ACSF3: variants seen among roughly 807,000 people sequenced by gnomAD.
ACSF3 encodes the protein malonate--CoA ligase ACSF3, mitochondrial.
ACSF3 carries 78 observed loss-of-function variants against 53.2 expected under a neutral mutation model. The ratio of observed to expected loss-of-function variants is 1.47; its 90% CI spans 1.22 to 1.77. The LOEUF is 1.77. Among genes scored for constraint, ACSF3 ranks in the 40% most tolerant of loss-of-function variants. ACSF3 has a pLI of 0.00. For missense variants in ACSF3, 937 were observed against 771.1 expected, an observed-to-expected ratio of 1.22 and a Z score of -2.55; for synonymous variants, 414 against 333.1, an observed-to-expected ratio of 1.24 and a Z score of -2.65.
At chr16:89,138,948 G>A (rs1361057368) in intron 8 of ACSF3, among the ~76,000 whole-genome samples, 2 of 152,226 alleles carry the variant, frequency 1.3e-5, no homozygotes, top group Admixed American at 6.5e-5. Context: ...AATCACAGCC[G>A]TGCCCCTTCC....
intron 10 of ACSF3, chr16:89,148,101 G>GTTTTTTTTTTTTTTTTT (rs71158780): frequency 8.5e-6 from 1 of 117,670 alleles, no homozygotes; most frequent in Non-Finnish European, 1.7e-5. Context: ...TTCTTTTTTG[G>GTTTTTTTTTTTTTTTTT]TTTTTTTTTT....
At chr16:89,117,343 G>A (rs1905299901) in intron 6 of ACSF3, among the ~76,000 whole-genome samples, 1 of 152,216 alleles carries the variant, frequency 6.6e-6, no homozygotes, top group South Asian at 2.1e-4. Context: ...GGTGAGTGAT[G>A]CACTTCCCAG....
chr16:89,115,009 C>G (rs1476710684), intron 6 of ACSF3: 1 of 250,820 alleles, frequency 4.0e-6, no homozygotes, highest in Non-Finnish European at 8.0e-6. Context: ...CCTAACACAT[C>G]CCATTCTGAC....
intron 5 of ACSF3, chr16:89,113,060 G>A (rs1308704616): frequency 6.6e-6 from 1 of 152,350 alleles, no homozygotes; most frequent in African/African-American, 2.4e-5. Flanking sequence ...TTCCCTCGTG[G>A]CTGTTGAGGT....
At chr16:89,132,565 C>A (rs1268228339) in intron 7 of ACSF3, among the ~76,000 whole-genome samples, 2 of 152,240 alleles carry the variant, frequency 1.3e-5, no homozygotes, top group East Asian at 3.9e-4. Context: ...TAACAGGGGC[C>A]TCCAGGGACC....
rs977575487 is a variant in ACSF3, at chr16:89,154,634, C to T, written c.*427C>T. 6.6e-6 allele frequency: 3 copies of T among 454,570 alleles called. No individual in the cohort carries two copies. Among genetic ancestry groups the T allele is most frequent in the Non-Finnish European group, 8.8e-6 (2 of 227,298 alleles). 28.2% of individuals were successfully genotyped at this position (454,570 alleles called of 1,614,324 possible). A position where few individuals can be genotyped will look rare whatever the true frequency, so the allele number is the denominator to read the frequency against. The stretch of plus-strand genomic sequence containing the variant: ...GCACGTGCCTGTGCCTCACCCAGAG[C>T]CAGTGTCTCCCGGCCCACATAGGAG... On this transcript the variant is annotated 3_prime_UTR_variant, in exon 11 of 11. Transcript: ENST00000614302.
chr16:89,103,287 C>G (rs954264521), intron 4 of ACSF3, among the ~76,000 whole-genome samples: 2 of 152,204 alleles, frequency 1.3e-5, no homozygotes, highest in Admixed American at 1.3e-4. Context: ...TAAAATAATG[C>G]GAGTTTGTTC....
rs368789945 is a variant in ACSF3, at chr16:89,154,084, C to T, written c.1614-6C>T. On this transcript the variant is annotated splice_polypyrimidine_tract_variant and splice_region_variant and intron_variant, in intron 10 of 10. Transcript: ENST00000614302. ...AGTGCGCCTCAGGCTGTGCTTGTCT[C>T]TGCAGAAATGTCCTGGCCCCGTACG... 7.9e-5 allele frequency: 127 copies of T among 1,612,248 alleles called. No individual in the cohort carries two copies. The African/African-American group carries it at 1.5e-3, about 19-fold the overall frequency.
intron 6 of ACSF3, among the ~76,000 whole-genome samples, chr16:89,119,846 G>A (rs908620058): frequency 2.0e-5 from 3 of 152,222 alleles, no homozygotes; most frequent in Admixed American, 6.5e-5. Context: ...ACGCCCCATG[G>A]ATTGCAGAGT....
In ACSF3 at chr16:89,114,642, C is replaced by T. The variant is rs989284333; in HGVS notation, c.1126+155C>T. The T allele has an allele frequency of 1.7e-5, 18 of 1,073,482 alleles. No homozygotes were observed. In the South Asian group the frequency reaches 1.9e-4, roughly 11 times the overall value. The allele number at this position is 1,073,482 out of a possible 1,614,324, so 66.5% of individuals were successfully genotyped here. ...CTCGGCCAGGAGAGCACTCAGGATG[C>T]ACTGCGACCTGTCCCCTCTGGGTAG... On this transcript the variant is annotated intron_variant, in intron 6 of 10. Transcript: ENST00000614302.
chr16:89,137,446 C>G (rs1310810786), intron 8 of ACSF3, among the ~76,000 whole-genome samples: 3 of 130,374 alleles, frequency 2.3e-5, no homozygotes, highest in Non-Finnish European at 3.3e-5. Context: ...GGGAAGAGCC[C>G]CAGGTCTCGG....
intron 1 of ACSF3, among the ~76,000 whole-genome samples, chr16:89,097,099 A>G (rs1974709651): frequency 6.6e-6 from 1 of 152,184 alleles, no homozygotes; most frequent in African/African-American, 2.4e-5. Context: ...GTGACTCAGG[A>G]ATTTGTAGAA....
intron 7 of ACSF3, among the ~76,000 whole-genome samples, chr16:89,124,378 TGTGA>T (rs1218610701): frequency 2.1e-5 from 3 of 142,404 alleles, no homozygotes; most frequent in Non-Finnish European, 3.1e-5. Flanking sequence ...ACTGCATGTG[TGTGA>T]TACCTGTGTG....
chr16:89,104,824 G>A (rs1302184101), intron 4 of ACSF3, among the ~76,000 whole-genome samples: 1 of 152,248 alleles, frequency 6.6e-6, no homozygotes, highest in African/African-American at 2.4e-5. Context: ...TGGAGGCAAG[G>A]TCTCACAAGA....
rs138156311 is a variant in ACSF3, at chr16:89,100,919, C to T, written c.238C>T (p.Gln80Ter). The change falls in exon 3 of 11, where the codon CAG (glutamine) becomes TAG (stop). Residue 80 changes from glutamine (Q) to a stop codon, truncating the protein, a stop_gained. Coordinates refer to ENST00000614302, the MANE Select transcript of ACSF3 (RefSeq NM_001243279.3). LOFTEE classifies it high-confidence loss of function. ...ELYSRSLRLS[Q>*]EICRLCGCVG... Reference sequence around the variant, plus strand: ...TTATTCCCGCAGCCTTCGCCTGTCCCAGGAGATCTGCAGGCTCTGCGGGTG... The same window carrying T: ...TTATTCCCGCAGCCTTCGCCTGTCCTAGGAGATCTGCAGGCTCTGCGGGTG... 8 of 1,613,800 alleles carry T rather than the reference C, an allele frequency of 5.0e-6. No homozygotes were observed. The African/African-American group carries it at 9.3e-5, about 19-fold the overall frequency.
intron 6 of ACSF3, chr16:89,114,809 G>C (rs533115046): frequency 2.7e-4 from 110 of 413,112 alleles, no homozygotes; most frequent in African/African-American, 2.1e-3. Context: ...AAGGCGGGGG[G>C]CCATGCTGTT....
intron 6 of ACSF3, among the ~76,000 whole-genome samples, chr16:89,116,531 T>C (rs1029672183): frequency 6.6e-6 from 1 of 151,852 alleles, no homozygotes; most frequent in Admixed American, 6.6e-5. Flanking sequence ...GTATTCTGAG[T>C]GTAAAGTCTC....
chr16:89,093,922 G>GGCGC lies in ACSF3; in HGVS notation c.-260_-257dup, dbSNP rs749018575. On this transcript the variant is annotated 5_prime_UTR_variant, in exon 1 of 11. Transcript: ENST00000614302. Reference sequence around the variant, plus strand: ...CCCGGCCGGAACCCGGCCCGACCCCGGCGCGCGCGCGGCGGAGGACGAGGA... The same window carrying GGCGC: ...CCCGGCCGGAACCCGGCCCGACCCCGGCGCGCGCGCGCGCGGCGGAGGACGAGGA... 5 of 326,340 alleles carry GGCGC rather than the reference G, an allele frequency of 1.5e-5. No individual in the cohort carries two copies. Among genetic ancestry groups the GGCGC allele is most frequent in the African/African-American group, 6.7e-5 (3 of 44,802 alleles). The allele number at this position is 326,340 out of a possible 1,614,324, so 20.2% of individuals were successfully genotyped here. A position where few individuals can be genotyped will look rare whatever the true frequency, so the allele number is the denominator to read the frequency against.
intron 1 of ACSF3, among the ~76,000 whole-genome samples, chr16:89,097,969 G>A (rs984618345): frequency 7.9e-5 from 12 of 152,188 alleles, no homozygotes; most frequent in Admixed American, 2.0e-4. Context: ...GGCTGGGACA[G>A]GGGACTTCAT....
Sources: allele counts gnomAD v4.1 joint callset (sites outside exome capture counted in the v4.1 genomes callset), GRCh38; gene constraint gnomAD v4.1.1; transcripts MANE v1.5; gene names NCBI Gene and HGNC (gene_info 2026-07-23, HGNC 2026-07-21).